The following DUSP22 variants were observed in gnomAD, a reference collection of about 807,000 sequenced individuals.
DUSP22 encodes the protein dual specificity phosphatase 22.
A neutral mutation model predicts 24.5 loss-of-function variants in DUSP22; 24 were observed. The ratio of observed to expected loss-of-function variants is 0.98; its 90% CI spans 0.71 to 1.38. The LOEUF (loss-of-function observed/expected upper bound fraction) is 1.38, where lower values mean the gene tolerates loss of function less well. DUSP22 is among the 40% of genes most tolerant of loss of function. The probability of loss-of-function intolerance (pLI) is 0.00; values close to 1 mark genes in which losing one functional copy is unlikely to be tolerated. For synonymous variants in DUSP22, 160 were observed against 106.4 expected, an observed-to-expected ratio of 1.50 and a Z score of -3.10; for missense variants, 330 against 269.2, an observed-to-expected ratio of 1.23 and a Z score of -1.58.
chr6:350,627 C>A lies in DUSP22; in HGVS notation c.*1676C>A. On this transcript the variant is annotated 3_prime_UTR_variant, in exon 7 of 7. Coordinates refer to ENST00000419235, the MANE Select transcript of DUSP22 (RefSeq NM_001286555.3). The stretch of plus-strand genomic sequence containing the variant: ...GAGTGTGGCTGTAGAATCATCCATC[C>A]GTCTACAGCTAAAACAATTTGCCAA... 1.4e-6 allele frequency: 2 copies of A among 1,459,616 alleles called. No homozygotes were observed. The highest frequency in any genetic ancestry group is 9.0e-7 in the Non-Finnish European group (1 of 1,107,748). The allele number at this position is 1,459,616 out of a possible 1,614,324, so 90.4% of individuals were successfully genotyped here. A position where few individuals can be genotyped will look rare whatever the true frequency, so the allele number is the denominator to read the frequency against.
chr6:318,165 C>T (rs1170910688), intron 3 of DUSP22, among the ~76,000 whole-genome samples: 2 of 152,310 alleles, frequency 1.3e-5, no homozygotes, highest in African/African-American at 2.4e-5. Flanking sequence ...CCCTGTGCAG[C>T]TCCTGTGACT....
chr6:325,357 G>A (rs9503265), intron 3 of DUSP22: 4,112 of 168,610 alleles, frequency 0.024, 5 homozygotes, highest in East Asian at 0.13. Context: ...GGTGTGTGCA[G>A]TGCTGTATCT....
intron 1 of DUSP22, 30 bp from the exon 2 acceptor site, chr6:304,598 T>C (rs773682433): frequency 1.3e-5 from 21 of 1,614,204 alleles, no homozygotes; most frequent in Non-Finnish European, 1.7e-5. Flanking sequence ...GAGTCTGCCA[T>C]GCTCATGTCT....
chr6:297,597 C>G (rs376954289), intron 1 of DUSP22, among the ~76,000 whole-genome samples: 793 of 152,104 alleles, frequency 5.2e-3, no homozygotes, highest in African/African-American at 0.018. Flanking sequence ...TTGCCAGTAG[C>G]ACCTCCCCAC....
At chr6:310,207 C>T (rs528265291) in intron 2 of DUSP22, among the ~76,000 whole-genome samples, 123 of 152,374 alleles carry the variant, frequency 8.1e-4, no homozygotes, top group Admixed American at 1.4e-3. Context: ...GTGATTGGCC[C>T]GTCGCGGCCT....
chr6:322,829 G>T (rs1372606903), intron 3 of DUSP22, among the ~76,000 whole-genome samples: 17 of 85,874 alleles, frequency 2.0e-4, no homozygotes, highest in Non-Finnish European at 3.6e-4. Flanking sequence ...TGGCTGCTTG[G>T]TGGGGCGGGG....
intron 3 of DUSP22, among the ~76,000 whole-genome samples, chr6:326,360 G>A: frequency 6.9e-6 from 1 of 145,504 alleles, no homozygotes; most frequent in African/African-American, 2.6e-5. Flanking sequence ...GTGCAGTGCT[G>A]TATCTGCTGG....
chr6:342,981 C>T (rs1759680376), intron 4 of DUSP22, among the ~76,000 whole-genome samples: 2 of 152,426 alleles, frequency 1.3e-5, no homozygotes, highest in Non-Finnish European at 2.9e-5. Context: ...CAGCTGGCTA[C>T]CCAGCTCTTT....
rs1757979880 is a variant in DUSP22, at chr6:309,701, CA to C, written c.56-2178del. Among the ~76,000 whole-genome samples, 3 of 122,082 alleles carry C rather than the reference CA, an allele frequency of 2.5e-5. No homozygotes were observed. The South Asian group carries it at 8.7e-4, about 35-fold the overall frequency. 80.1% of individuals were successfully genotyped at this position (122,082 alleles called of 152,430 possible). ...TAGAACACACACACACACACACACA[CA>C]CACACACACACACACATACTATAAA... On this transcript the variant is annotated intron_variant, in intron 2 of 6. Coordinates refer to ENST00000419235, the MANE Select transcript of DUSP22 (RefSeq NM_001286555.3).
At chr6:300,012 T>C (rs1326215433) in intron 1 of DUSP22, among the ~76,000 whole-genome samples, 1 of 152,300 alleles carries the variant, frequency 6.6e-6, no homozygotes, top group African/African-American at 2.4e-5. Context: ...CCAATCGAGT[T>C]CAAAAATATA....
At chr6:333,326 C>G (rs1759217114) in intron 3 of DUSP22, among the ~76,000 whole-genome samples, 3 of 152,304 alleles carry the variant, frequency 2.0e-5, no homozygotes, top group East Asian at 1.9e-4. Context: ...GTGAGATGTT[C>G]CCATGTGGAT....
chr6:348,221 A>G lies in DUSP22; in HGVS notation c.382A>G (p.Asn128Asp). 6 of 1,614,310 alleles carry G rather than the reference A, an allele frequency of 3.7e-6. No homozygotes were observed. Among genetic ancestry groups the G allele is most frequent in the Non-Finnish European group, 4.2e-6 (5 of 1,180,058 alleles). ...VRAGRSCANPNVGFQRQLQEF... is the reference protein window; with the variant it reads ...VRAGRSCANPDVGFQRQLQEF... ...TGCTGGGAGATCCTGTGCCAACCCC[A>G]ACGTGGGCTTCCAGAGACAGCTCCA... The change falls in exon 6 of 7, where the codon AAC (asparagine) becomes GAC (aspartate). Residue 128 changes from asparagine (N) to aspartate (D), a missense_variant. Coordinates refer to ENST00000419235, the MANE Select transcript of DUSP22 (RefSeq NM_001286555.3).
At position 350,448 on chromosome 6, in the gene DUSP22, T is replaced by C. The variant is rs957842008; in HGVS notation, c.*1497T>C. The C allele has an allele frequency of 1.8e-6, 2 of 1,134,658 alleles. No individual in the cohort carries two copies. Among genetic ancestry groups the C allele is most frequent in the Non-Finnish European group, 2.2e-6 (2 of 921,784 alleles). The allele number at this position is 1,134,658 out of a possible 1,614,324, so 70.3% of individuals were successfully genotyped here. On this transcript the variant is annotated 3_prime_UTR_variant, in exon 7 of 7. Coordinates refer to ENST00000419235, the MANE Select transcript of DUSP22 (RefSeq NM_001286555.3). ...AAAAGATGTTGCAACCCAGTTTCTC[T>C]GAATTCCACCACAAAAAGAGACCCT...
intron 4 of DUSP22, among the ~76,000 whole-genome samples, chr6:340,726 T>C (rs1489050255): frequency 2.0e-5 from 3 of 152,302 alleles, no homozygotes; most frequent in African/African-American, 7.2e-5. Context: ...TCTGGTACCA[T>C]GGGCTTTTAG....
At chr6:323,641 A>C (rs1168808291) in intron 3 of DUSP22, among the ~76,000 whole-genome samples, 1 of 152,300 alleles carries the variant, frequency 6.6e-6, no homozygotes, top group Non-Finnish European at 1.5e-5. Context: ...TCCCTTTGCC[A>C]TCTTAGGATG....
Position 351,112 on chromosome 6 carries a change from A to G in DUSP22, c.*2161A>G, listed in dbSNP as rs1174311972. On this transcript the variant is annotated 3_prime_UTR_variant, in exon 7 of 7. Transcript: ENST00000419235. The stretch of plus-strand genomic sequence containing the variant: ...GTACCTCGCTTGGATGCCTGTAAGG[A>G]TCCCGGGAGCCTTGCCGCACTGCCT... 8.0e-6 allele frequency: 5 copies of G among 625,558 alleles called. No homozygotes were observed. The highest frequency in any genetic ancestry group is 1.1e-5 in the Non-Finnish European group (4 of 377,694). 38.8% of individuals were successfully genotyped at this position (625,558 alleles called of 1,614,324 possible).
chr6:350,350 T>A lies in DUSP22; in HGVS notation c.*1399T>A. The A allele has an allele frequency of 9.6e-7, 1 of 1,037,128 alleles. No homozygotes were observed. The highest frequency in any genetic ancestry group is 1.2e-6 in the Non-Finnish European group (1 of 862,060). The allele number at this position is 1,037,128 out of a possible 1,614,324, so 64.2% of individuals were successfully genotyped here. ...CGCTGTACGCAATTCAGTGGTCTAG[T>A]CCTTTATACCGACTCAGATTCCTTA... On this transcript the variant is annotated 3_prime_UTR_variant, in exon 7 of 7. Transcript: ENST00000419235.
At chr6:299,982 A>C (rs1757509222) in intron 1 of DUSP22, among the ~76,000 whole-genome samples, 1 of 152,306 alleles carries the variant, frequency 6.6e-6, no homozygotes, top group Admixed American at 6.5e-5. Context: ...TGTTGACTTG[A>C]GTACCTACCC....
At chr6:345,478 G>T (rs191346254) in intron 4 of DUSP22, among the ~76,000 whole-genome samples, 2 of 152,416 alleles carry the variant, frequency 1.3e-5, no homozygotes, top group African/African-American at 4.8e-5. Flanking sequence ...CCAAATTGCT[G>T]GGATTACAGG....
Sources: allele counts gnomAD v4.1 joint callset (sites outside exome capture counted in the v4.1 genomes callset), GRCh38; gene constraint gnomAD v4.1.1; transcripts MANE v1.5; gene names NCBI Gene and HGNC (gene_info 2026-07-23, HGNC 2026-07-21).